Variants in MARCHF7 observed in about 807,000 individuals in gnomAD.
MARCHF7 encodes the protein E3 ubiquitin-protein ligase MARCHF7.
MARCHF7 carries 20 observed loss-of-function variants against 76.5 expected under a neutral mutation model. That is an observed-to-expected ratio of 0.26 (90% CI 0.18 to 0.38). The LOEUF is 0.38. MARCHF7 is among the 10% of genes least tolerant of loss of function. MARCHF7 has a pLI of 1.00. For synonymous variants in MARCHF7, 295 were observed against 293.0 expected (o/e 1.01, Z -0.07); for missense variants, 797 against 812.9 (o/e 0.98, Z 0.24).
intron 8 of MARCHF7, among the ~76,000 whole-genome samples, chr2:159,755,384 A>C (rs1706168163): frequency 1.3e-5 from 2 of 152,254 alleles, no homozygotes; most frequent in Admixed American, 1.3e-4. Flanking sequence ...ATGTTGAAAC[A>C]ACCAAGGATT....
chr2:159,729,296 A>G, intron 4 of MARCHF7, 121 bp downstream of exon 4: 1 of 599,346 alleles, frequency 1.7e-6, no homozygotes, highest in Non-Finnish European at 2.6e-6. Context: ...CAAAACCAAT[A>G]TATATGTAGC....
chr2:159,745,656 AAATAATAATAATAAT>A (rs760671097), intron 5 of MARCHF7, 99 bp from the exon 6 acceptor site: 3 of 697,890 alleles, frequency 4.3e-6, no homozygotes, highest in Non-Finnish European at 6.6e-6. Context: ...ACTCCGTCTC[AAATAATAATAATAAT>A]AATAAATAAC....
At chr2:159,720,631 T>C (rs567820645) in intron 3 of MARCHF7, among the ~76,000 whole-genome samples, 9 of 152,354 alleles carry the variant, frequency 5.9e-5, no homozygotes, top group African/African-American at 2.2e-4. Context: ...AGTTATCCCT[T>C]GTTCGTTATA....
chr2:159,760,112 C>T (rs1706851894), intron 9 of MARCHF7, among the ~76,000 whole-genome samples: 1 of 152,216 alleles, frequency 6.6e-6, no homozygotes, highest in South Asian at 2.1e-4. Context: ...AGTTGCTCCC[C>T]ATTCTGTGCT....
Position 159,714,609 on chromosome 2 carries a change from G to A in MARCHF7, c.-101+11G>A, listed in dbSNP as rs968088394. On this transcript the variant is annotated intron_variant, in intron 2 of 11. Coordinates refer to ENST00000409175, the MANE Select transcript of MARCHF7 (RefSeq NM_001282805.2). ...AACATACATTGAATGGTAAGTTAGAGCCCGACATAAAAGACTTTCTGTACT... is the reference window on the plus strand; with the variant it reads ...AACATACATTGAATGGTAAGTTAGAACCCGACATAAAAGACTTTCTGTACT... 6.6e-6 allele frequency: 1 copy of A among 152,150 alleles called. No individual in the cohort carries two copies. Among genetic ancestry groups the A allele is most frequent in the Non-Finnish European group, 1.5e-5 (1 of 68,026 alleles). 9.4% of individuals were successfully genotyped at this position (152,150 alleles called of 1,614,324 possible). A position where few individuals can be genotyped will look rare whatever the true frequency, so the allele number is the denominator to read the frequency against.
chr2:159,724,373 C>T (rs1040927902), intron 3 of MARCHF7, among the ~76,000 whole-genome samples: 5 of 152,052 alleles, frequency 3.3e-5, no homozygotes, highest in Non-Finnish European at 7.4e-5. Context: ...TTCTTTGATG[C>T]TCTTATGTAG....
chr2:159,732,060 C>T (rs1187251378), intron 4 of MARCHF7, among the ~76,000 whole-genome samples: 2 of 151,924 alleles, frequency 1.3e-5, no homozygotes, highest in Non-Finnish European at 2.9e-5. Context: ...ATCAAGATCA[C>T]GCCACTGCAC....
At chr2:159,759,983 C>G (rs543057928) in intron 9 of MARCHF7, among the ~76,000 whole-genome samples, 2 of 152,100 alleles carry the variant, frequency 1.3e-5, no homozygotes, top group Non-Finnish European at 2.9e-5. Context: ...TGGGCCTCCC[C>G]TCTTTTATTA....
chr2:159,751,317 G>T (rs1171230389), intron 7 of MARCHF7, among the ~76,000 whole-genome samples: 1 of 152,132 alleles, frequency 6.6e-6, no homozygotes, highest in African/African-American at 2.4e-5. Flanking sequence ...GAGTGTGTGT[G>T]TATGTTTGTA....
intron 3 of MARCHF7, among the ~76,000 whole-genome samples, chr2:159,718,188 A>G (rs1701250956): frequency 6.6e-6 from 1 of 152,210 alleles, no homozygotes; most frequent in Admixed American, 6.5e-5. Flanking sequence ...CAAGCATACC[A>G]AGTGAGGGGC....
rs966401658 is a variant in MARCHF7 at position 159,767,195 on chromosome 2, C to T, written c.2057-89C>T. The stretch of plus-strand genomic sequence containing the variant: ...TACTAAATTGGGATTTTTGTTTTTA[C>T]AAGTCATTGCTGTTCTGGCTTCATA... On this transcript the variant is annotated intron_variant, in intron 11 of 11. Transcript: ENST00000409175. 2.0e-5 allele frequency: 18 copies of T among 901,880 alleles called. No homozygotes were observed. In the African/African-American group the frequency reaches 3.1e-4, roughly 15 times the overall value. 55.9% of individuals were successfully genotyped at this position (901,880 alleles called of 1,614,324 possible). A position where few individuals can be genotyped will look rare whatever the true frequency, so the allele number is the denominator to read the frequency against.
At chr2:159,754,356 A>G (rs1293136376) in intron 8 of MARCHF7, among the ~76,000 whole-genome samples, 1 of 152,194 alleles carries the variant, frequency 6.6e-6, no homozygotes, top group Non-Finnish European at 1.5e-5. Flanking sequence ...CTGAGAGGTC[A>G]GGTAAAATGA....
At chr2:159,734,003 T>TA (rs748825398) in intron 4 of MARCHF7, 5 of 1,335,490 alleles carry the variant, frequency 3.7e-6, no homozygotes, top group Non-Finnish European at 4.9e-6. Flanking sequence ...ATCTTGCTGT[T>TA]ACTTCTGCTA....
At chr2:159,716,697 G>A (rs1701081026) in intron 3 of MARCHF7, among the ~76,000 whole-genome samples, 1 of 152,038 alleles carries the variant, frequency 6.6e-6, no homozygotes, top group African/African-American at 2.4e-5. Context: ...TCTGGCCTTT[G>A]TGCCATGAGT....
At chr2:159,753,684 T>C (rs1705946653) in intron 8 of MARCHF7, among the ~76,000 whole-genome samples, 1 of 152,192 alleles carries the variant, frequency 6.6e-6, no homozygotes, top group African/African-American at 2.4e-5. Flanking sequence ...CTTATTAATA[T>C]TTGGCTGCTT....
Position 159,748,820 on chromosome 2 carries a change from T to C in MARCHF7, c.1530T>C (p.Gly510=). Residue 510 remains glycine (G), a synonymous_variant, in exon 7 of 12, where the codon GGT becomes GGC. Transcript: ENST00000409175. ...VMITVDIIPS[G]WNSADGKSDK... ...TCACAGTAGATATTATTCCTTCAGG[T>C]TGGAATTCAGCTGATGGTAAAAGTG... 6.2e-7 allele frequency: 1 copy of C among 1,614,126 alleles called. No individual in the cohort carries two copies.
intron 4 of MARCHF7, among the ~76,000 whole-genome samples, chr2:159,729,394 G>C (rs909763634): frequency 3.9e-5 from 6 of 152,078 alleles, no homozygotes; most frequent in Non-Finnish European, 8.8e-5. Context: ...TTTTGCGCTG[G>C]GAACGGTGGC....
intron 4 of MARCHF7, among the ~76,000 whole-genome samples, chr2:159,735,662 ATTC>A (rs1703364587): frequency 1.3e-5 from 2 of 152,150 alleles, no homozygotes; most frequent in African/African-American, 2.4e-5. Flanking sequence ...TCAGTACTTT[ATTC>A]TTTTTTGTGG....
chr2:159,728,622 T>C (rs1170351217), intron 3 of MARCHF7, among the ~76,000 whole-genome samples: 2 of 152,152 alleles, frequency 1.3e-5, no homozygotes, highest in African/African-American at 4.8e-5. Flanking sequence ...GAACATAGTG[T>C]GTTAAGGGGT....
Sources: allele counts gnomAD v4.1 joint callset (sites outside exome capture counted in the v4.1 genomes callset), GRCh38; gene constraint gnomAD v4.1.1; transcripts MANE v1.5; gene names NCBI Gene and HGNC (gene_info 2026-07-23, HGNC 2026-07-21).